NDST4: variants seen among roughly 807,000 people sequenced by gnomAD.
NDST4 encodes the protein N-heparan sulfate sulfotransferase 4.
NDST4 carries 63 observed loss-of-function variants against 100.8 expected under a neutral mutation model. The observed-to-expected ratio is 0.62, with a 90% CI of 0.51 to 0.77. The LOEUF (loss-of-function observed/expected upper bound fraction) is 0.77, where lower values mean the gene tolerates loss of function less well. Among genes scored for constraint, NDST4 ranks in the 30% least tolerant of loss-of-function variants. The pLI, the probability that NDST4 is intolerant of heterozygous loss-of-function variation, is 0.00. For synonymous variants in NDST4, 377 were observed against 361.8 expected (o/e 1.04, Z -0.48); for missense variants, 943 against 1,018.4 (o/e 0.93, Z 1.01).
intron 2 of NDST4, among the ~76,000 whole-genome samples, chr4:115,073,614 A>T (rs1419648707): frequency 6.6e-6 from 1 of 151,958 alleles, no homozygotes; most frequent in African/African-American, 2.4e-5. Flanking sequence ...AAAAATTTAA[A>T]CTCAAAGAAG....
intron 6 of NDST4, among the ~76,000 whole-genome samples, chr4:114,913,378 T>C (rs1304859858): frequency 6.6e-6 from 1 of 152,088 alleles, no homozygotes; most frequent in Non-Finnish European, 1.5e-5. Context: ...TTTTTGCCTA[T>C]AGTGGTGCTT....
intron 3 of NDST4, among the ~76,000 whole-genome samples, chr4:114,970,931 A>G (rs1446651727): frequency 1.3e-5 from 2 of 152,138 alleles, no homozygotes; most frequent in Non-Finnish European, 2.9e-5. Flanking sequence ...AAATAATTGG[A>G]CATAAATTTT....
intron 7 of NDST4, among the ~76,000 whole-genome samples, chr4:114,867,250 G>A (rs1167528617): frequency 6.6e-6 from 1 of 152,056 alleles, no homozygotes; most frequent in Non-Finnish European, 1.5e-5. Context: ...CAGTGTGTAT[G>A]CCACTAGATC....
intron 1 of NDST4, among the ~76,000 whole-genome samples, chr4:115,082,907 A>G (rs1025569582): frequency 6.6e-6 from 1 of 152,204 alleles, no homozygotes; most frequent in African/African-American, 2.4e-5. Flanking sequence ...TTCAAAGCCA[A>G]AAATGTCTAC....
chr4:114,950,232 C>A (rs1395641765), intron 4 of NDST4, among the ~76,000 whole-genome samples: 1 of 151,974 alleles, frequency 6.6e-6, no homozygotes, highest in East Asian at 1.9e-4. Context: ...TCCTCTGGAG[C>A]CAAATCGATT....
chr4:115,061,429 A>T (rs1728817317), intron 2 of NDST4, among the ~76,000 whole-genome samples: 1 of 152,138 alleles, frequency 6.6e-6, no homozygotes, highest in Non-Finnish European at 1.5e-5. Context: ...TACACCATGG[A>T]ATACTATGCA....
At chr4:114,961,865 G>A (rs1396672161) in intron 4 of NDST4, among the ~76,000 whole-genome samples, 1 of 151,892 alleles carries the variant, frequency 6.6e-6, no homozygotes, top group Non-Finnish European at 1.5e-5. Flanking sequence ...TGACATCAAA[G>A]CCAAACAATG....
At chr4:114,843,384 TC>T (rs1291997220) in intron 10 of NDST4, among the ~76,000 whole-genome samples, 1 of 152,160 alleles carries the variant, frequency 6.6e-6, no homozygotes, top group Non-Finnish European at 1.5e-5. Context: ...CTTTAACCTC[TC>T]TTTTTCTTTG....
chr4:115,086,095 T>C, intron 1 of NDST4, among the ~76,000 whole-genome samples: 1 of 152,284 alleles, frequency 6.6e-6, no homozygotes, highest in Middle Eastern at 3.4e-3. Flanking sequence ...GAATTATAAA[T>C]ATCATAAAGG....
At chr4:115,030,639 G>T (rs985910447) in intron 2 of NDST4, among the ~76,000 whole-genome samples, 1 of 152,058 alleles carries the variant, frequency 6.6e-6, no homozygotes. Flanking sequence ...CAAAAGGGAG[G>T]AAGAATGTTA....
At chr4:114,896,406 G>A (rs1248461250) in intron 6 of NDST4, among the ~76,000 whole-genome samples, 6 of 151,834 alleles carry the variant, frequency 4.0e-5, no homozygotes, top group African/African-American at 9.7e-5. Context: ...GGTGGATCAC[G>A]AGGTCAAGAG....
At chr4:114,979,323 C>T (rs17047536) in intron 2 of NDST4, among the ~76,000 whole-genome samples, 2,897 of 151,004 alleles carry the variant, frequency 0.019, 97 homozygotes, top group African/African-American at 0.065. Context: ...TGCTCTATCT[C>T]ATGTTTTCCT....
chr4:115,026,430 T>TAC (rs57524504), intron 2 of NDST4, among the ~76,000 whole-genome samples: 38,416 of 148,466 alleles, frequency 0.26, 6,220 homozygotes, highest in East Asian at 0.7. Context: ...TTTTTTAAAG[T>TAC]ACACACACAC....
At chr4:115,048,776 T>C (rs897713066) in intron 2 of NDST4, among the ~76,000 whole-genome samples, 1 of 152,068 alleles carries the variant, frequency 6.6e-6, no homozygotes, top group African/African-American at 2.4e-5. Flanking sequence ...TAGCTGGGAT[T>C]ACAGGAAAGT....
intron 6 of NDST4, among the ~76,000 whole-genome samples, chr4:114,926,791 A>G (rs749692495): frequency 1.3e-5 from 2 of 152,124 alleles, no homozygotes; most frequent in Non-Finnish European, 2.9e-5. Flanking sequence ...TTTCAAGGTT[A>G]TTTAATCCAG....
At position 115,057,706 on chromosome 4, in the gene NDST4, A is replaced by G. The variant is rs752389766; in HGVS notation, c.978+18353T>C. Among the ~76,000 whole-genome samples, 566 of 74,984 alleles carry G rather than the reference A, an allele frequency of 7.5e-3. 3 individuals are homozygous for G. The highest frequency in any genetic ancestry group is 9.0e-3 in the South Asian group (22 of 2,436). The allele number at this position is 74,984 out of a possible 152,430, so 49.2% of individuals were successfully genotyped here. On this transcript the variant is annotated intron_variant, in intron 2 of 13. Transcript: ENST00000264363. ...CACTTAGCTATGCGTGCGCACGCAC[A>G]CACACACACACACACACACACACAC...
rs115382004 is a variant in NDST4, at chr4:114,975,956, T to C, written c.1066+1231A>G. ...GTGCAGATATGCTGACCCAAATCTC[T>C]TTCTGCAAAACATCCTTTTAAAATA... On this transcript the variant is annotated intron_variant, in intron 3 of 13. Coordinates refer to ENST00000264363, the MANE Select transcript of NDST4 (RefSeq NM_022569.3). Among the ~76,000 whole-genome samples, 398 of 152,236 alleles carry C rather than the reference T, an allele frequency of 2.6e-3. 1 individual carries two copies. Among genetic ancestry groups the C allele is most frequent in the African/African-American group, 9.2e-3 (384 of 41,566 alleles).
chr4:115,055,776 C>T (rs941751954), intron 2 of NDST4, among the ~76,000 whole-genome samples: 4 of 152,084 alleles, frequency 2.6e-5, no homozygotes, highest in African/African-American at 7.2e-5. Context: ...GCTGGCACCA[C>T]TTAAAGGCCA....
chr4:115,079,247 GAGGCTGAGGC>G (rs949078116), intron 1 of NDST4, among the ~76,000 whole-genome samples: 1 of 151,586 alleles, frequency 6.6e-6, no homozygotes, highest in Non-Finnish European at 1.5e-5. Flanking sequence ...AGCTACTCAA[GAGGCTGAGGC>G]AGGATAAATG....
Sources: allele counts gnomAD v4.1 joint callset (sites outside exome capture counted in the v4.1 genomes callset), GRCh38; gene constraint gnomAD v4.1.1; transcripts MANE v1.5; gene names NCBI Gene and HGNC (gene_info 2026-07-23, HGNC 2026-07-21).